Variants in TBC1D8B observed in about 807,000 individuals in gnomAD.
TBC1D8B encodes the protein RP11-321G1.1.
A neutral mutation model predicts 82.9 loss-of-function variants in TBC1D8B; 75 were observed. The ratio of observed to expected loss-of-function variants is 0.90; its 90% CI spans 0.75 to 1.10. The LOEUF is 1.10. Among genes scored for constraint, TBC1D8B ranks in the 50% least tolerant of loss-of-function variants. TBC1D8B has a pLI of 0.00. For missense variants in TBC1D8B, 794 were observed against 796.9 expected, an observed-to-expected ratio of 1.00 and a Z score of 0.04; for synonymous variants, 276 against 276.8, an observed-to-expected ratio of 1.00 and a Z score of 0.03.
At position 106,827,587 on chromosome X, in the gene TBC1D8B, C is replaced by T. The variant is rs141103909; in HGVS notation, c.1203+250C>T. 440 of 288,872 alleles carry T rather than the reference C, an allele frequency of 1.5e-3. 3 individuals carry two copies. The East Asian group carries it at 0.023, about 15-fold the overall frequency. The allele number at this position is 288,872 out of a possible 1,213,427, so 23.8% of individuals were successfully genotyped here. On this transcript the variant is annotated intron_variant, in intron 7 of 20. Coordinates refer to ENST00000357242, the MANE Select transcript of TBC1D8B (RefSeq NM_017752.3). Reference sequence around the variant, plus strand: ...TTTGATCTTTCTTTTACTCTATTTGCTGTTTACCATATAAATATACCTTGT... The same window carrying T: ...TTTGATCTTTCTTTTACTCTATTTGTTGTTTACCATATAAATATACCTTGT...
intron 14 of TBC1D8B, among the ~76,000 whole-genome samples, chrX:106,861,096 T>C (rs976223180): frequency 8.9e-6 from 1 of 112,163 alleles, no homozygotes; most frequent in Non-Finnish European, 1.9e-5. Flanking sequence ...AGTATAGTTG[T>C]TATGATTTTG....
chrX:106,855,742 AG>A (rs1436938065), intron 14 of TBC1D8B, among the ~76,000 whole-genome samples: 2 of 112,016 alleles, frequency 1.8e-5, no homozygotes, highest in Non-Finnish European at 3.8e-5. Context: ...GCTGGGTAAA[AG>A]GGTATGCCCA....
chrX:106,862,246 G>T (rs1007644306), intron 14 of TBC1D8B, among the ~76,000 whole-genome samples: 1 of 111,366 alleles, frequency 9.0e-6, no homozygotes, highest in Non-Finnish European at 1.9e-5. Context: ...ATAGTATCTT[G>T]CAGGGGTTCT....
At chrX:106,865,152 G>A (rs1272126133) in intron 14 of TBC1D8B, among the ~76,000 whole-genome samples, 1 of 111,504 alleles carries the variant, frequency 9.0e-6, no homozygotes, top group Non-Finnish European at 1.9e-5. Context: ...GAGAGGGAAT[G>A]TACATCTCCC....
At chrX:106,857,829 A>G (rs1932728918) in intron 14 of TBC1D8B, among the ~76,000 whole-genome samples, 1 of 112,462 alleles carries the variant, frequency 8.9e-6, no homozygotes, top group African/African-American at 3.2e-5. Context: ...TGGGCATCTA[A>G]GTTGATTCCA....
rs143232424 is a variant in TBC1D8B, at chrX:106,830,585, C to T, written c.1203+3248C>T. On this transcript the variant is annotated intron_variant, in intron 7 of 20. Transcript: ENST00000357242. Reference sequence around the variant, plus strand: ...GATAGACTGGACTAAGAAAATATGGCACATATACACCATGGAATACTATGC... The same window carrying T: ...GATAGACTGGACTAAGAAAATATGGTACATATACACCATGGAATACTATGC... Among the ~76,000 whole-genome samples the T allele has an allele frequency of 6.1e-3, 677 of 110,674 alleles. 7 individuals carry two copies. Among genetic ancestry groups the T allele is most frequent in the African/African-American group, 0.021 (643 of 30,414 alleles).
intron 7 of TBC1D8B, among the ~76,000 whole-genome samples, chrX:106,833,922 TTAATATTAAG>T (rs1302520658): frequency 9.0e-6 from 1 of 110,613 alleles, no homozygotes; most frequent in Non-Finnish European, 1.9e-5. Flanking sequence ...ACAGCTAAAC[TTAATATTAAG>T]TTGTCAAGTA....
Position 106,869,541 on chromosome X carries a change from G to C in TBC1D8B, c.2869G>C (p.Gly957Arg). The C allele has an allele frequency of 1.7e-6, 2 of 1,197,220 alleles. No homozygotes were observed. Among genetic ancestry groups the C allele is most frequent in the Non-Finnish European group, 2.3e-6 (2 of 884,122 alleles). The change falls in exon 19 of 21, where the codon GGC becomes CGC. Residue 957 changes from glycine (G) to arginine (R), a missense_variant and splice_region_variant. Physicochemically the swap from Gly to Arg is moderately radical, Grantham distance 125 (BLOSUM62 -2). Transcript: ENST00000357242. ...ATCAGCAAAACACAGCCCTGAAAAAGGTACTATGATCTAGGAGTTATCATT... is the reference window on the plus strand; with the variant it reads ...ATCAGCAAAACACAGCCCTGAAAAACGTACTATGATCTAGGAGTTATCATT... ...AESAKHSPEK[G>R]KGKIDIQAYL...
Position 106,822,166 on chromosome X carries a change from T to C in TBC1D8B, c.550T>C (p.Phe184Leu). The stretch of plus-strand genomic sequence containing the variant: ...GGGTTGGCTTTATCTTAGCACCAAC[T>C]TTCTGAGCTTCTATTCTTTTTTGTT... Reference protein sequence around the residue: ...CQGWLYLSTNFLSFYSFLLGS... With the variant: ...CQGWLYLSTNLLSFYSFLLGS... The change falls in exon 4 of 21, where the codon TTT (phenylalanine) becomes CTT (leucine). Residue 184 changes from phenylalanine (F) to leucine (L), a missense_variant. Phe to Leu is a conservative substitution (Grantham distance 22). Coordinates refer to ENST00000357242, the MANE Select transcript of TBC1D8B (RefSeq NM_017752.3). The C allele has an allele frequency of 8.3e-7, 1 of 1,206,714 alleles. No individual in the cohort carries two copies. The highest frequency in any genetic ancestry group is 3.0e-5 in the East Asian group (1 of 33,793).
At chrX:106,856,046 C>G (rs748077046) in intron 14 of TBC1D8B, among the ~76,000 whole-genome samples, 2 of 111,953 alleles carry the variant, frequency 1.8e-5, no homozygotes, top group African/African-American at 6.5e-5. Flanking sequence ...CTAAAACAAA[C>G]AAAACAAAAC....
intron 5 of TBC1D8B, among the ~76,000 whole-genome samples, chrX:106,824,959 C>A (rs1044550044): frequency 9.0e-6 from 1 of 111,446 alleles, no homozygotes; most frequent in African/African-American, 3.2e-5. Context: ...TCCTTCTAGG[C>A]TTTTTAATGC....
At position 106,875,759 on chromosome X, in the gene TBC1D8B, T is replaced by C. The variant is rs1932883917; in HGVS notation, c.*1794T>C. ...TTTGCTGAATATTTTGTCAGTTGTA[T>C]TTACAAAGAAAGGTACTTTCTTAAG... is the stretch of plus-strand genomic sequence containing the variant. On this transcript the variant is annotated 3_prime_UTR_variant, in exon 21 of 21. Transcript: ENST00000357242. The C allele has an allele frequency of 8.9e-6, 1 of 112,137 alleles. No homozygotes were observed. Among genetic ancestry groups the C allele is most frequent in the Non-Finnish European group, 1.9e-5 (1 of 53,268 alleles). The allele number at this position is 112,137 out of a possible 1,213,427, so 9.2% of individuals were successfully genotyped here.
chrX:106,818,551 C>A, intron 1 of TBC1D8B, 112 bp from the exon 2 acceptor site: 1 of 483,777 alleles, frequency 2.1e-6, no homozygotes, highest in Non-Finnish European at 3.2e-6. Flanking sequence ...TGTAAGGACT[C>A]TATGGGCTAG....
intron 12 of TBC1D8B, 72 bp downstream of exon 12, chrX:106,850,382 CA>C: frequency 9.8e-7 from 1 of 1,020,165 alleles, no homozygotes; most frequent in Non-Finnish European, 1.3e-6. Context: ...CCCTATTTTA[CA>C]GAGGAAACTG....
intron 1 of TBC1D8B, chrX:106,814,321 T>C (rs1010523474): frequency 1.9e-5 from 2 of 107,292 alleles, no homozygotes; most frequent in Non-Finnish European, 3.8e-5. Context: ...TAAACATACG[T>C]GTGCATGTGT....
At chrX:106,823,110 A>C in intron 4 of TBC1D8B, 116 bp from the exon 5 acceptor site, 1 of 803,357 alleles carries the variant, frequency 1.2e-6, no homozygotes, top group African/African-American at 2.1e-5. Flanking sequence ...ACTCTAAACT[A>C]TTTTAGCTGT....
intron 10 of TBC1D8B, among the ~76,000 whole-genome samples, chrX:106,846,171 G>A (rs1178412034): frequency 3.1e-5 from 3 of 98,336 alleles, no homozygotes; most frequent in African/African-American, 1.1e-4. Flanking sequence ...CATGATCTTG[G>A]CTCACTGCAA....
At chrX:106,814,100 A>G (rs766877592) in intron 1 of TBC1D8B, 1 of 107,961 alleles carries the variant, frequency 9.3e-6, no homozygotes, top group Admixed American at 1.0e-4. Flanking sequence ...GAGTCTGAAC[A>G]TGCGGTGTTT....
At position 106,850,035 on chromosome X, in the gene TBC1D8B, G is replaced by A; in HGVS notation, c.1848G>A (p.Val616=). 8.4e-7 allele frequency: 1 copy of A among 1,193,245 alleles called. No homozygotes were observed. Among genetic ancestry groups the A allele is most frequent in the Non-Finnish European group, 1.1e-6 (1 of 887,278 alleles). Residue 616 remains valine, a synonymous_variant, in exon 12 of 21, where the codon GTG becomes GTA. Transcript: ENST00000357242. Reference sequence around the variant, plus strand: ...TTTGATATTCTGTAGGTGCCTTGGTGGATCAGGCAGTCTTTGAAGAACTTA... The same window carrying A: ...TTTGATATTCTGTAGGTGCCTTGGTAGATCAGGCAGTCTTTGAAGAACTTA... ...YFNRRIIGAL[V]DQAVFEELIR... is the part of the protein sequence containing the mutation.
Sources: allele counts gnomAD v4.1 joint callset (sites outside exome capture counted in the v4.1 genomes callset), GRCh38; gene constraint gnomAD v4.1.1; transcripts MANE v1.5; gene names NCBI Gene and HGNC (gene_info 2026-07-23, HGNC 2026-07-21).